Variants in TOMM40L observed in about 807,000 individuals in gnomAD.
TOMM40L encodes mitochondrial import receptor subunit TOM40B.
TOMM40L carries 17 observed loss-of-function variants against 38.3 expected under a neutral mutation model. The ratio of observed to expected loss-of-function variants is 0.44; its 90% CI spans 0.30 to 0.67. The LOEUF (loss-of-function observed/expected upper bound fraction) is 0.67. TOMM40L is among the 30% of genes least tolerant of loss of function. The pLI is 0.08. For synonymous variants in TOMM40L, 151 were observed against 150.2 expected (o/e 1.01, Z -0.04); for missense variants, 294 against 390.0 (o/e 0.75, Z 2.07).
At chr1:161,226,695 G>T in intron 2 of TOMM40L, 91 bp downstream of exon 2, 1 of 1,405,806 alleles carries the variant, frequency 7.1e-7, no homozygotes, top group South Asian at 1.2e-5. Context: ...GAGCAGGAAA[G>T]GGGAGATCAT....
chr1:161,228,129 G>T (rs139036296), intron 6 of TOMM40L, 57 bp from the exon 7 acceptor site: 2 of 1,574,884 alleles, frequency 1.3e-6, no homozygotes, highest in East Asian at 2.2e-5. Context: ...GGGAGTGAGG[G>T]AGCAGGTCTG....
At position 161,229,127 on chromosome 1, in the gene TOMM40L, G is replaced by C; in HGVS notation, c.*32G>C. On this transcript the variant is annotated 3_prime_UTR_variant, in exon 10 of 10. Coordinates refer to ENST00000367988, the MANE Select transcript of TOMM40L (RefSeq NM_032174.6). ...CCAGAGCCAGCCCCCACAGCAGCTG[G>C]AACCTCTGAGTCAGGTGCCCTAGGG... is the stretch of plus-strand genomic sequence containing the variant. The C allele has an allele frequency of 6.2e-7, 1 of 1,614,118 alleles. No homozygotes were observed. Among genetic ancestry groups the C allele is most frequent in the Non-Finnish European group, 8.5e-7 (1 of 1,180,004 alleles).
In TOMM40L at chr1:161,228,315, G is replaced by C. The variant is rs746741835; in HGVS notation, c.607+7G>C. 50 of 1,607,086 alleles carry C rather than the reference G, an allele frequency of 3.1e-5. No individual in the cohort carries two copies. The highest frequency in any genetic ancestry group is 4.1e-5 in the Non-Finnish European group (48 of 1,175,316). Reference sequence around the variant, plus strand: ...CTGGCTGGGAAGTACTCGGGTATGGGGCGAAGTGAAGTAGTGGTGGTGGTG... The same window carrying C: ...CTGGCTGGGAAGTACTCGGGTATGGCGCGAAGTGAAGTAGTGGTGGTGGTG... On this transcript the variant is annotated splice_region_variant and intron_variant, in intron 7 of 9. Transcript: ENST00000367988.
At position 161,230,572 on chromosome 1, in the gene TOMM40L, T is replaced by C. The variant is rs1275208900; in HGVS notation, c.*1477T>C. ...ACCCAGAGCCTCTGAGCTACTACTT[T>C]GCATCTGTACTGAATAAAAAAAAAA... On this transcript the variant is annotated 3_prime_UTR_variant, in exon 10 of 10. Coordinates refer to ENST00000367988, the MANE Select transcript of TOMM40L (RefSeq NM_032174.6). The C allele has an allele frequency of 6.8e-6, 4 of 590,666 alleles. No individual in the cohort carries two copies. Among genetic ancestry groups the C allele is most frequent in the Non-Finnish European group, 1.2e-5 (4 of 335,744 alleles). The allele number at this position is 590,666 out of a possible 1,614,324, so 36.6% of individuals were successfully genotyped here.
Position 161,229,671 on chromosome 1 carries a change from G to A in TOMM40L, c.*576G>A. The A allele has an allele frequency of 6.2e-7, 1 of 1,613,906 alleles. No individual in the cohort carries two copies. On this transcript the variant is annotated 3_prime_UTR_variant, in exon 10 of 10. Coordinates refer to ENST00000367988, the MANE Select transcript of TOMM40L (RefSeq NM_032174.6). ...ATGACCGCATGAAGAGGCAGTTATT[G>A]CTTTAGTCTTTCATTGCAACCACTG...
At chr1:161,226,228 G>A (rs1476042979) in intron 1 of TOMM40L, 92 bp downstream of exon 1, 4 of 441,266 alleles carry the variant, frequency 9.1e-6, no homozygotes, top group Middle Eastern at 6.1e-4. Context: ...TGTGGTGGGG[G>A]CTAGGATCAG....
chr1:161,227,510 A>G lies in TOMM40L; in HGVS notation c.277-126A>G, dbSNP rs1032466053. On this transcript the variant is annotated intron_variant, in intron 4 of 9. Transcript: ENST00000367988. ...GGGTAGAGAAACATTTTCTGTGAAG[A>G]GCCCAGAGTGTGTCTTTGTGACTCC... 5 of 1,034,766 alleles carry G rather than the reference A, an allele frequency of 4.8e-6. No homozygotes were observed. The African/African-American group carries it at 6.4e-5, about 13-fold the overall frequency. The allele number at this position is 1,034,766 out of a possible 1,614,324, so 64.1% of individuals were successfully genotyped here.
intron 2 of TOMM40L, 65 bp from the exon 3 acceptor site, chr1:161,226,823 G>C (rs1213782825): frequency 1.3e-6 from 2 of 1,567,236 alleles, no homozygotes; most frequent in African/African-American, 1.4e-5. Context: ...TGAAAGGGGA[G>C]ACTATCTTTT....
rs1193137108 is a variant in TOMM40L, at chr1:161,229,766, A to T, written c.*671A>T. The T allele has an allele frequency of 6.2e-7, 1 of 1,614,130 alleles. No individual in the cohort carries two copies. The highest frequency in any genetic ancestry group is 1.3e-5 in the African/African-American group (1 of 74,944). Reference sequence around the variant, plus strand: ...CACTCCAGTGTATCCAGGGTGTTCCAGGTGAGCTGGGGAAGGAAGTGAGCA... The same window carrying T: ...CACTCCAGTGTATCCAGGGTGTTCCTGGTGAGCTGGGGAAGGAAGTGAGCA... On this transcript the variant is annotated 3_prime_UTR_variant, in exon 10 of 10. Coordinates refer to ENST00000367988, the MANE Select transcript of TOMM40L (RefSeq NM_032174.6).
At position 161,229,165 on chromosome 1, in the gene TOMM40L, C is replaced by T. The variant is rs1380182401; in HGVS notation, c.*70C>T. The T allele has an allele frequency of 1.9e-6, 3 of 1,608,370 alleles. No individual in the cohort carries two copies. Among genetic ancestry groups the T allele is most frequent in the Non-Finnish European group, 2.6e-6 (3 of 1,176,366 alleles). ...AGGTGCCCTAGGGCCAAAGACTAGG[C>T]CCCTCTTCAGAGCCCACCTTGCTGG... On this transcript the variant is annotated 3_prime_UTR_variant, in exon 10 of 10. Transcript: ENST00000367988.
chr1:161,227,656 G>A lies in TOMM40L; in HGVS notation c.297G>A (p.Gly99=), dbSNP rs149130262. The A allele has an allele frequency of 7.8e-4, 1,265 of 1,613,526 alleles. 9 individuals carry two copies. The highest frequency in any genetic ancestry group is 7.1e-3 in the Middle Eastern group (40 of 5,608). The change falls in exon 5 of 10, where the codon GGG becomes GGA. Residue 99 remains glycine (G), a synonymous_variant. Coordinates refer to ENST00000367988, the MANE Select transcript of TOMM40L (RefSeq NM_032174.6). ...CACAGGTGTTCCCCACTGTGGTAGG[G>A]GATATGGACAGCAGTGGCAGCCTGA... ...SPTEVFPTVV[G]DMDSSGSLNA...
At chr1:161,228,549 T>G in intron 8 of TOMM40L, 45 bp downstream of exon 8, 1 of 1,608,142 alleles carries the variant, frequency 6.2e-7, no homozygotes. Flanking sequence ...AAGTCAGTCA[T>G]GAACTTCTGT....
At chr1:161,226,652 G>A (rs1243630506) in intron 2 of TOMM40L, 48 bp downstream of exon 2, 4 of 1,571,054 alleles carry the variant, frequency 2.5e-6, no homozygotes, top group Admixed American at 3.5e-5. Context: ...GCAGAGGAGT[G>A]GAGGGTCTTG....
Position 161,229,929 on chromosome 1 carries a change from T to A in TOMM40L, c.*834T>A. 6.2e-7 allele frequency: 1 copy of A among 1,614,098 alleles called. No homozygotes were observed. Among genetic ancestry groups the A allele is most frequent in the Non-Finnish European group, 8.5e-7 (1 of 1,180,008 alleles). On this transcript the variant is annotated 3_prime_UTR_variant, in exon 10 of 10. Coordinates refer to ENST00000367988, the MANE Select transcript of TOMM40L (RefSeq NM_032174.6). ...CTAGCAACTTCGCATACAGAAACCT[T>A]TGGAGGAAGTAGTGGGGTTGCCAGG...
At chr1:161,227,448 C>A (rs74124675) in intron 4 of TOMM40L, 98 bp downstream of exon 4, 3 of 1,222,744 alleles carry the variant, frequency 2.5e-6, no homozygotes, top group African/African-American at 1.5e-5. Flanking sequence ...AGGAATGGGC[C>A]GTAACCTGAT....
rs1215991374 is a variant in TOMM40L at position 161,227,321 on chromosome 1, G to A, written c.247G>A (p.Ala83Thr). ...GGGATATCACCTCCATGCGGCCTAT[G>A]CAGGGGATTGGCAGCTCAGTCCCAC... Reference protein sequence around the residue: ...LPGYHLHAAYAGDWQLSPTEV... With the variant: ...LPGYHLHAAYTGDWQLSPTEV... The change falls in exon 4 of 10, where the codon GCA (alanine) becomes ACA (threonine). Residue 83 changes from alanine (A) to threonine (T), a missense_variant. Ala to Thr is a moderately conservative substitution (Grantham distance 58). Transcript: ENST00000367988. The A allele has an allele frequency of 8.7e-6, 14 of 1,614,050 alleles. No homozygotes were observed. Among genetic ancestry groups the A allele is most frequent in the Admixed American group, 1.7e-5 (1 of 60,000 alleles).
intron 3 of TOMM40L, 134 bp downstream of exon 3, chr1:161,227,089 C>T: frequency 8.1e-7 from 1 of 1,238,550 alleles, no homozygotes; most frequent in African/African-American, 1.5e-5. Flanking sequence ...TTCTCTTTAC[C>T]TCCGTGCCTG....
At position 161,230,296 on chromosome 1, in the gene TOMM40L, T is replaced by A. The variant is rs1349720288; in HGVS notation, c.*1201T>A. On this transcript the variant is annotated 3_prime_UTR_variant, in exon 10 of 10. Coordinates refer to ENST00000367988, the MANE Select transcript of TOMM40L (RefSeq NM_032174.6). Reference sequence around the variant, plus strand: ...TAAAGCATCCCCTTTCTGGCCAAACTAGCTCTTGGAGGAACGAGCAAAACA... The same window carrying A: ...TAAAGCATCCCCTTTCTGGCCAAACAAGCTCTTGGAGGAACGAGCAAAACA... 6.9e-6 allele frequency: 2 copies of A among 291,300 alleles called. No individual in the cohort carries two copies. The highest frequency in any genetic ancestry group is 1.3e-5 in the Non-Finnish European group (2 of 155,578). The allele number at this position is 291,300 out of a possible 1,614,324, so 18.0% of individuals were successfully genotyped here.
At chr1:161,227,111 G>T in intron 3 of TOMM40L, 147 bp from the exon 4 acceptor site, 1 of 1,183,578 alleles carries the variant, frequency 8.4e-7, no homozygotes. Context: ...GGGACTTGTT[G>T]CTTTTAATCC....
Sources: allele counts gnomAD v4.1 joint callset, GRCh38; gene constraint gnomAD v4.1.1; transcripts MANE v1.5; gene names NCBI Gene and HGNC (gene_info 2026-07-23, HGNC 2026-07-21).